MRC1: variants seen among roughly 807,000 people sequenced by gnomAD.
MRC1 encodes the protein macrophage mannose receptor 1.
A neutral mutation model predicts 102.9 loss-of-function variants in MRC1; 62 were observed. The ratio of observed to expected loss-of-function variants is 0.60; its 90% CI spans 0.49 to 0.74. The LOEUF (loss-of-function observed/expected upper bound fraction) is 0.74. MRC1 is among the 30% of genes least tolerant of loss of function. The probability of loss-of-function intolerance (pLI) is 0.00; values close to 1 mark genes in which losing one functional copy is unlikely to be tolerated. For synonymous variants in MRC1, 457 were observed against 298.4 expected (o/e 1.53, Z -5.48); for missense variants, 1,237 against 862.8 (o/e 1.43, Z -5.43).
At chr10:17,855,423 TAGC>T (rs1399347303) in intron 8 of MRC1, among the ~76,000 whole-genome samples, 1 of 151,546 alleles carries the variant, frequency 6.6e-6, no homozygotes, top group African/African-American at 2.4e-5. Flanking sequence ...TATAAAAAAT[TAGC>T]AGGGCGTGGT....
chr10:17,891,462 G>A (rs904024625), intron 22 of MRC1, among the ~76,000 whole-genome samples: 2 of 152,166 alleles, frequency 1.3e-5, no homozygotes, highest in African/African-American at 2.4e-5. Context: ...CATTGCGCCC[G>A]GTGCTCATTA....
At position 17,885,304 on chromosome 10, in the gene MRC1, A is replaced by T; in HGVS notation, c.3016A>T (p.Ser1006Cys). The change falls in exon 22 of 30, where the codon AGT becomes TGT. Residue 1006 changes from serine to cysteine, a missense_variant. By Grantham distance (112) the Ser-to-Cys change is moderately radical. Transcript: ENST00000569591. ...CTATCACATGAAGGACTCCACTTTC[A>T]GTGCCTGGACTGGGCTGAATGATGT... is the stretch of plus-strand genomic sequence containing the variant. ...LTYHMKDSTF[S>C]AWTGLNDVNS... 1.3e-6 allele frequency: 1 copy of T among 780,918 alleles called. No homozygotes were observed. The highest frequency in any genetic ancestry group is 2.4e-6 in the Non-Finnish European group (1 of 417,972). 48.4% of individuals were successfully genotyped at this position (780,918 alleles called of 1,614,324 possible).
At chr10:17,880,167 C>T (rs1689440463) in intron 19 of MRC1, among the ~76,000 whole-genome samples, 1 of 152,118 alleles carries the variant, frequency 6.6e-6, no homozygotes, top group South Asian at 2.1e-4. Flanking sequence ...CACAATCTAT[C>T]AATTGTTGAG....
intron 26 of MRC1, among the ~76,000 whole-genome samples, chr10:17,903,166 TATTA>T (rs1403788338): frequency 6.6e-6 from 1 of 152,088 alleles, no homozygotes; most frequent in Non-Finnish European, 1.5e-5. Flanking sequence ...GGATCTTTCT[TATTA>T]ATTAATTTTC....
chr10:17,874,042 G>T (rs1234745082), intron 16 of MRC1, among the ~76,000 whole-genome samples: 1 of 152,206 alleles, frequency 6.6e-6, no homozygotes, highest in Non-Finnish European at 1.5e-5. Flanking sequence ...AAGGGTTCAT[G>T]AATCAATTCC....
chr10:17,874,552 A>C (rs968916898), intron 16 of MRC1, among the ~76,000 whole-genome samples: 1 of 152,184 alleles, frequency 6.6e-6, no homozygotes, highest in African/African-American at 2.4e-5. Flanking sequence ...TAGGAACTAG[A>C]TACCTTTGGG....
At chr10:17,879,909 T>C (rs1203389478) in intron 19 of MRC1, 88 bp downstream of exon 19, 9 of 778,860 alleles carry the variant, frequency 1.2e-5, no homozygotes, top group African/African-American at 3.4e-5. Context: ...GTTGTGTGCT[T>C]ACATCAGACA....
intron 24 of MRC1, among the ~76,000 whole-genome samples, chr10:17,899,679 A>C (rs1833802247): frequency 6.6e-6 from 1 of 152,210 alleles, no homozygotes; most frequent in Non-Finnish European, 1.5e-5. Context: ...TATATCATCT[A>C]TTCTTAAACA....
chr10:17,818,578 G>A (rs1301195066), intron 1 of MRC1, among the ~76,000 whole-genome samples: 1 of 152,194 alleles, frequency 6.6e-6, no homozygotes, highest in Non-Finnish European at 1.5e-5. Flanking sequence ...GGAGGCCGAG[G>A]TGTGCGGATC....
Position 17,818,466 on chromosome 10 carries a change from A to T in MRC1, c.62-4608A>T, listed in dbSNP as rs566913635. The stretch of plus-strand genomic sequence containing the variant: ...ATATTTTAAGATGGTTATGGATATT[A>T]TATGGTAAATAAAAGAATAAAATGA... On this transcript the variant is annotated intron_variant, in intron 1 of 29. Coordinates refer to ENST00000569591, the MANE Select transcript of MRC1 (RefSeq NM_002438.4). Among the ~76,000 whole-genome samples the T allele has an allele frequency of 1.4e-4, 22 of 152,324 alleles. 1 individual carries two copies. The South Asian group carries it at 3.5e-3, about 24-fold the overall frequency.
intron 22 of MRC1, among the ~76,000 whole-genome samples, chr10:17,887,389 TCAAAACAAAA>T (rs1197311209): frequency 3.7e-4 from 57 of 152,054 alleles, no homozygotes; most frequent in African/African-American, 9.6e-4. Context: ...AGACTCCGCC[TCAAAACAAAA>T]CAAAACAAAA....
At chr10:17,844,927 C>T (rs575884934) in intron 5 of MRC1, among the ~76,000 whole-genome samples, 3 of 152,090 alleles carry the variant, frequency 2.0e-5, no homozygotes, top group Non-Finnish European at 2.9e-5. Flanking sequence ...TTTTTTATGG[C>T]GGCATAATCA....
At chr10:17,841,376 A>G (rs1838746747) in intron 5 of MRC1, among the ~76,000 whole-genome samples, 1 of 152,208 alleles carries the variant, frequency 6.6e-6, no homozygotes, top group South Asian at 2.1e-4. Context: ...TTTTGATTTA[A>G]TAACATCGGC....
intron 1 of MRC1, among the ~76,000 whole-genome samples, chr10:17,818,373 G>A (rs1021503393): frequency 3.3e-5 from 5 of 152,126 alleles, no homozygotes; most frequent in African/African-American, 4.8e-5. Context: ...CAAGTACCTC[G>A]TCTCATGAAA....
At chr10:17,815,441 C>G (rs1193195995) in intron 1 of MRC1, among the ~76,000 whole-genome samples, 1 of 152,140 alleles carries the variant, frequency 6.6e-6, no homozygotes, top group African/African-American at 2.4e-5. Flanking sequence ...TCTGGGGAGG[C>G]TGGCATTCAG....
intron 22 of MRC1, among the ~76,000 whole-genome samples, chr10:17,893,008 A>G (rs1184491262): frequency 3.0e-5 from 3 of 99,624 alleles, no homozygotes; most frequent in African/African-American, 1.2e-4. Context: ...GACTCCATCT[A>G]GGAAAAAAAA....
At chr10:17,891,312 GCC>G (rs1833672101) in intron 22 of MRC1, among the ~76,000 whole-genome samples, 3 of 151,546 alleles carry the variant, frequency 2.0e-5, no homozygotes, top group Non-Finnish European at 4.4e-5. Context: ...GACTACAGGC[GCC>G]CGCCACCACT....
intron 16 of MRC1, 38 bp downstream of exon 16, chr10:17,873,863 AC>A: frequency 1.1e-6 from 1 of 870,476 alleles, no homozygotes; most frequent in South Asian, 1.3e-5. Flanking sequence ...TGTACTGATA[AC>A]CCTTTCTCCG....
intron 26 of MRC1, among the ~76,000 whole-genome samples, chr10:17,904,725 T>C (rs1833873573): frequency 6.6e-6 from 1 of 152,176 alleles, no homozygotes; most frequent in African/African-American, 2.4e-5. Context: ...TTCCTGCTTG[T>C]GTAGTGCATC....
Sources: allele counts gnomAD v4.1 joint callset (sites outside exome capture counted in the v4.1 genomes callset), GRCh38; gene constraint gnomAD v4.1.1; transcripts MANE v1.5; gene names NCBI Gene and HGNC (gene_info 2026-07-23, HGNC 2026-07-21).